The following DACH1 variants were observed in gnomAD, a reference collection of about 807,000 sequenced individuals.
The protein encoded by DACH1 is dachshund family transcription factor 1, also known as dachshund homolog 1.
A neutral mutation model predicts 54.2 loss-of-function variants in DACH1; 12 were observed. The ratio of observed to expected loss-of-function variants is 0.22; its 90% CI spans 0.14 to 0.36. The LOEUF is 0.36. Among genes scored for constraint, DACH1 ranks in the 10% least tolerant of loss-of-function variants. The pLI, the probability that DACH1 is intolerant of heterozygous loss-of-function variation, is 1.00. For missense variants in DACH1, 805 were observed against 929.8 expected (o/e 0.87, Z 1.75); for synonymous variants, 386 against 366.2 (o/e 1.05, Z -0.62).
At chr13:71,703,768 C>T (rs1882284848) in intron 1 of DACH1, among the ~76,000 whole-genome samples, 2 of 152,290 alleles carry the variant, frequency 1.3e-5, no homozygotes, top group South Asian at 2.1e-4. Context: ...GTTAATTCTG[C>T]ATTCACCCTT....
At chr13:71,825,289 T>C (rs971751728) in intron 1 of DACH1, among the ~76,000 whole-genome samples, 3 of 152,140 alleles carry the variant, frequency 2.0e-5, no homozygotes, top group African/African-American at 7.2e-5. Context: ...AGCTATTTAA[T>C]ATACTTCCTT....
intron 1 of DACH1, among the ~76,000 whole-genome samples, chr13:71,714,750 C>T (rs1166777980): frequency 6.6e-6 from 1 of 151,826 alleles, no homozygotes; most frequent in Non-Finnish European, 1.5e-5. Flanking sequence ...TTTAAAGAAA[C>T]CTATCAATGT....
intron 5 of DACH1, among the ~76,000 whole-genome samples, chr13:71,558,099 A>G (rs1296419460): frequency 6.6e-6 from 1 of 151,994 alleles, no homozygotes; most frequent in African/African-American, 2.4e-5. Flanking sequence ...CTCTTATGTA[A>G]AATAATGCTC....
intron 1 of DACH1, among the ~76,000 whole-genome samples, chr13:71,802,476 C>T (rs993774461): frequency 6.6e-5 from 10 of 151,788 alleles, no homozygotes; most frequent in Admixed American, 3.9e-4. Flanking sequence ...GAAAGAAAGA[C>T]AAAGAATTAG....
intron 2 of DACH1, among the ~76,000 whole-genome samples, chr13:71,678,733 C>G (rs551240149): frequency 1.3e-5 from 2 of 152,166 alleles, no homozygotes; most frequent in African/African-American, 4.8e-5. Context: ...CATAGCTCAC[C>G]ACAAACCTGG....
At chr13:71,794,593 A>G (rs545457094) in intron 1 of DACH1, among the ~76,000 whole-genome samples, 2 of 152,088 alleles carry the variant, frequency 1.3e-5, no homozygotes, top group Admixed American at 6.6e-5. Flanking sequence ...GCGTGCCACC[A>G]TGCTCGGCTA....
At chr13:71,634,193 G>A (rs984533043) in intron 2 of DACH1, among the ~76,000 whole-genome samples, 4 of 151,842 alleles carry the variant, frequency 2.6e-5, no homozygotes, top group South Asian at 2.1e-4. Flanking sequence ...GGCTGGTCTC[G>A]AATTCCTAAC....
At chr13:71,676,387 T>G (rs1880573148) in intron 2 of DACH1, among the ~76,000 whole-genome samples, 1 of 152,110 alleles carries the variant, frequency 6.6e-6, no homozygotes, top group African/African-American at 2.4e-5. Context: ...CCAGCTAATT[T>G]TTGTATTTTT....
intron 7 of DACH1, among the ~76,000 whole-genome samples, chr13:71,481,820 T>A (rs1302207871): frequency 6.6e-6 from 1 of 152,208 alleles, no homozygotes; most frequent in African/African-American, 2.4e-5. Flanking sequence ...CTACAAATCT[T>A]TAGGACACCA....
intron 1 of DACH1, chr13:71,704,651 C>A (rs1445056839): frequency 2.8e-6 from 1 of 354,668 alleles, no homozygotes; most frequent in East Asian, 7.7e-5. Flanking sequence ...GGATTCATGG[C>A]TTAAAAGGTA....
chr13:71,623,575 C>G (rs73521280), intron 3 of DACH1, among the ~76,000 whole-genome samples: 1,570 of 151,656 alleles, frequency 0.01, 30 homozygotes, highest in African/African-American at 0.036. Flanking sequence ...TTAAGGATGC[C>G]TTGTTTTGGA....
At chr13:71,785,959 C>A (rs1006573057) in intron 1 of DACH1, among the ~76,000 whole-genome samples, 30 of 152,102 alleles carry the variant, frequency 2.0e-4, no homozygotes, top group Admixed American at 3.9e-4. Context: ...AGAGAGCATA[C>A]CTTTCAAGGG....
At chr13:71,809,294 C>T (rs76349201) in intron 1 of DACH1, among the ~76,000 whole-genome samples, 2,569 of 152,240 alleles carry the variant, frequency 0.017, 29 homozygotes, top group Non-Finnish European at 0.026. Context: ...AGGTAAGCCT[C>T]CACAGTAGCT....
intron 3 of DACH1, among the ~76,000 whole-genome samples, chr13:71,623,115 T>C (rs1876366858): frequency 6.6e-6 from 1 of 151,770 alleles, no homozygotes; most frequent in African/African-American, 2.4e-5. Flanking sequence ...GATTTAAGAA[T>C]ATGTGTTCAA....
At chr13:71,748,870 CTTTCTTTCTTTCTTTCT>C (rs1489546024) in intron 1 of DACH1, among the ~76,000 whole-genome samples, 322 of 23,978 alleles carry the variant, frequency 0.013, 6 homozygotes, top group African/African-American at 0.024. Context: ...TTCTTTCTTT[CTTTCTTTCTTTCTTTCT>C]TTCTTTCTTT....
intron 10 of DACH1, among the ~76,000 whole-genome samples, chr13:71,465,344 G>C (rs561156739): frequency 2.0e-5 from 3 of 151,898 alleles, no homozygotes; most frequent in African/African-American, 7.2e-5. Flanking sequence ...AATATTTTCA[G>C]ATCACTTTTA....
At chr13:71,467,149 G>A (rs1297031263) in intron 10 of DACH1, among the ~76,000 whole-genome samples, 1 of 151,718 alleles carries the variant, frequency 6.6e-6, no homozygotes, top group Non-Finnish European at 1.5e-5. Flanking sequence ...TTTAATTTAT[G>A]TAAGAAGTAA....
intron 3 of DACH1, among the ~76,000 whole-genome samples, chr13:71,592,630 T>G (rs1031246999): frequency 6.6e-6 from 1 of 151,874 alleles, no homozygotes; most frequent in East Asian, 1.9e-4. Context: ...ATATTATGAT[T>G]TGAGGGGAGC....
intron 1 of DACH1, among the ~76,000 whole-genome samples, chr13:71,690,056 T>C (rs1881394488): frequency 6.6e-6 from 1 of 152,148 alleles, no homozygotes; most frequent in Non-Finnish European, 1.5e-5. Flanking sequence ...GGGAGATGGA[T>C]ATATTCTTGC....
Sources: gnomAD v4.1 joint callset for allele counts (sites outside exome capture counted in the v4.1 genomes callset) on GRCh38, gnomAD v4.1.1 for gene constraint, MANE v1.5 for transcripts, NCBI Gene and HGNC (gene_info 2026-07-23, HGNC 2026-07-21) for gene names.